The following NLGN1 variants were observed in gnomAD, a reference collection of about 807,000 sequenced individuals.
NLGN1 encodes neuroligin-1.
Under a neutral mutation model 65.5 loss-of-function variants are expected in NLGN1, and 12 were observed. The ratio of observed to expected loss-of-function variants is 0.18; its 90% CI spans 0.12 to 0.30. The LOEUF is 0.30. NLGN1 is among the 10% of genes least tolerant of loss of function. The pLI is 1.00. For missense variants in NLGN1, 750 were observed against 1,007.1 expected (o/e 0.74, Z 3.46); for synonymous variants, 350 against 359.5 (o/e 0.97, Z 0.30).
At chr3:174,088,399 GTTGT>G (rs1167049344) in intron 4 of NLGN1, among the ~76,000 whole-genome samples, 10 of 152,254 alleles carry the variant, frequency 6.6e-5, no homozygotes, top group African/African-American at 1.7e-4. Context: ...AATTGAGGGC[GTTGT>G]TTATCAAACT....
intron 2 of NLGN1, among the ~76,000 whole-genome samples, chr3:173,461,768 T>C (rs1723434422): frequency 6.6e-6 from 1 of 152,186 alleles, no homozygotes; most frequent in East Asian, 1.9e-4. Flanking sequence ...ACAAAAAAAA[T>C]CTCTCTTCTT....
At chr3:173,917,100 G>T (rs1003145891) in intron 4 of NLGN1, among the ~76,000 whole-genome samples, 2 of 152,154 alleles carry the variant, frequency 1.3e-5, no homozygotes, top group African/African-American at 4.8e-5. Flanking sequence ...ATCTGAATCA[G>T]TGCATTCCAA....
intron 4 of NLGN1, among the ~76,000 whole-genome samples, chr3:174,265,591 G>T (rs1347045005): frequency 6.6e-6 from 1 of 151,876 alleles, no homozygotes; most frequent in East Asian, 2.0e-4. Flanking sequence ...GCACTCCCTA[G>T]TGAGATGAAC....
chr3:174,266,836 T>A (rs896042997), intron 4 of NLGN1, among the ~76,000 whole-genome samples: 1 of 152,190 alleles, frequency 6.6e-6, no homozygotes, highest in African/African-American at 2.4e-5. Context: ...TTTTGTAATT[T>A]TTAAAAACTT....
intron 3 of NLGN1, among the ~76,000 whole-genome samples, chr3:173,636,013 G>A (rs1169043375): frequency 6.6e-6 from 1 of 152,114 alleles, no homozygotes; most frequent in Non-Finnish European, 1.5e-5. Context: ...CCTTGCTATC[G>A]AGGGTGGCAG....
intron 3 of NLGN1, among the ~76,000 whole-genome samples, chr3:173,721,100 C>T (rs1015914527): frequency 6.6e-6 from 1 of 152,158 alleles, no homozygotes; most frequent in African/African-American, 2.4e-5. Context: ...ATGATCCTAG[C>T]CTGTTTTAAA....
chr3:174,219,881 C>T (rs1738313285), intron 4 of NLGN1, among the ~76,000 whole-genome samples: 1 of 152,118 alleles, frequency 6.6e-6, no homozygotes, highest in Non-Finnish European at 1.5e-5. Context: ...AGCAAGATTG[C>T]GGGCTGCAGT....
intron 4 of NLGN1, among the ~76,000 whole-genome samples, chr3:173,938,999 T>C (rs1419020224): frequency 6.6e-6 from 1 of 152,160 alleles, no homozygotes; most frequent in Non-Finnish European, 1.5e-5. Flanking sequence ...GAGGAACCTA[T>C]TTTAAAAAAT....
intron 3 of NLGN1, among the ~76,000 whole-genome samples, chr3:173,657,794 C>T (rs1233557123): frequency 6.6e-6 from 1 of 151,614 alleles, no homozygotes; most frequent in Admixed American, 6.6e-5. Context: ...GGAAGGAAGC[C>T]AAAATTAATG....
intron 4 of NLGN1, among the ~76,000 whole-genome samples, chr3:174,006,540 C>T (rs1365335953): frequency 6.6e-6 from 1 of 152,160 alleles, no homozygotes; most frequent in Non-Finnish European, 1.5e-5. Flanking sequence ...CTCGAATTCT[C>T]TGTCCCTCTC....
chr3:173,847,888 A>G (rs1726100452), intron 4 of NLGN1, among the ~76,000 whole-genome samples: 1 of 152,158 alleles, frequency 6.6e-6, no homozygotes, highest in Non-Finnish European at 1.5e-5. Context: ...TAAATAAATT[A>G]ATTAAATTAA....
intron 4 of NLGN1, among the ~76,000 whole-genome samples, chr3:173,921,948 C>T (rs987335730): frequency 2.8e-4 from 43 of 152,066 alleles, no homozygotes; most frequent in African/African-American, 9.2e-4. Flanking sequence ...ACTCTGAATA[C>T]ATTATACCAA....
At chr3:173,623,357 A>G (rs1362551233) in intron 3 of NLGN1, among the ~76,000 whole-genome samples, 1 of 151,504 alleles carries the variant, frequency 6.6e-6, no homozygotes, top group Non-Finnish European at 1.5e-5. Flanking sequence ...TTTTTGTGAA[A>G]AAAAAAAACA....
intron 4 of NLGN1, among the ~76,000 whole-genome samples, chr3:173,965,854 C>T (rs1714739776): frequency 6.6e-6 from 1 of 152,038 alleles, no homozygotes. Context: ...GCTATAGTAC[C>T]TATACATTCT....
chr3:173,510,012 A>G (rs1238480318), intron 2 of NLGN1, among the ~76,000 whole-genome samples: 1 of 152,226 alleles, frequency 6.6e-6, no homozygotes, highest in Non-Finnish European at 1.5e-5. Flanking sequence ...TTTTAGTCAC[A>G]GGAATAGATT....
At chr3:173,951,889 A>G (rs750127401) in intron 4 of NLGN1, among the ~76,000 whole-genome samples, 7 of 152,176 alleles carry the variant, frequency 4.6e-5, no homozygotes, top group Non-Finnish European at 8.8e-5. Context: ...TGCCTTGCAT[A>G]TTCACATAAT....
intron 4 of NLGN1, among the ~76,000 whole-genome samples, chr3:174,274,808 G>A (rs149169274): frequency 6.5e-4 from 98 of 151,448 alleles, no homozygotes; most frequent in Non-Finnish European, 1.2e-3. Context: ...TAATTTCATG[G>A]AGTTTACAAA....
Position 173,769,715 on chromosome 3 carries a change from C to A in NLGN1, c.494-37965C>A, listed in dbSNP as rs138242813. Among the ~76,000 whole-genome samples, 467 of 152,264 alleles carry A rather than the reference C, an allele frequency of 3.1e-3. 2 individuals carry two copies. The highest frequency in any genetic ancestry group is 0.011 in the African/African-American group (444 of 41,564). ...CAGATAGAGGCACTGATTGGAAACA[C>A]AGAAGAGTATAAGGTTGAGTGCATC... On this transcript the variant is annotated intron_variant, in intron 3 of 6. Coordinates refer to ENST00000457714, the Ensembl canonical transcript of NLGN1.
At chr3:174,119,617 C>T (rs910643268) in intron 4 of NLGN1, among the ~76,000 whole-genome samples, 1 of 152,134 alleles carries the variant, frequency 6.6e-6, no homozygotes, top group African/African-American at 2.4e-5. Flanking sequence ...TGCTCCAAAA[C>T]AAGAGTTTCT....
Sources: allele counts gnomAD v4.1 joint callset (sites outside exome capture counted in the v4.1 genomes callset), GRCh38; gene constraint gnomAD v4.1.1; transcripts MANE v1.5; gene names NCBI Gene and HGNC (gene_info 2026-07-23, HGNC 2026-07-21).